Variants in OR4K2 observed in about 807,000 individuals in gnomAD.
The protein encoded by OR4K2 is olfactory receptor family 4 subfamily K member 2.
A neutral mutation model predicts 10.5 loss-of-function variants in OR4K2; 8 were observed. That is an observed-to-expected ratio of 0.76 (90% CI 0.45 to 1.37). The LOEUF (loss-of-function observed/expected upper bound fraction) is 1.37. Among genes scored for constraint, OR4K2 ranks in the 40% most tolerant of loss-of-function variants. OR4K2 has a pLI of 0.00. For synonymous variants in OR4K2, 178 were observed against 133.6 expected, an observed-to-expected ratio of 1.33 and a Z score of -2.29; for missense variants, 547 against 379.5, an observed-to-expected ratio of 1.44 and a Z score of -3.67.
rs1314565820 is a variant in OR4K2, at chr14:19,881,923, T to C, written c.*4711T>C. On this transcript the variant is annotated 3_prime_UTR_variant, in exon 2 of 2. Coordinates refer to ENST00000641885, the MANE Select transcript of OR4K2 (RefSeq NM_001005501.2). ...TTTTCTTCTTGTTTGAGTGTACTTA[T>C]ATTGGTTGTCCTACAGTTAAGAAAA... 6.6e-6 allele frequency: 1 copy of C among 152,146 alleles called. No individual in the cohort carries two copies. The highest frequency in any genetic ancestry group is 2.4e-5 in the African/African-American group (1 of 41,422). 9.4% of individuals were successfully genotyped at this position (152,146 alleles called of 1,614,324 possible).
Position 19,882,111 on chromosome 14 carries a change from CTTG to C in OR4K2, c.*4900_*4902del, listed in dbSNP as rs781059334. Reference sequence around the variant, plus strand: ...GATGTAAGGGCAAAAGGCAAAAAGCCTTGGTGTCATTGCCACTCCTTCATCACC... The same window carrying C: ...GATGTAAGGGCAAAAGGCAAAAAGCCGTGTCATTGCCACTCCTTCATCACC... On this transcript the variant is annotated 3_prime_UTR_variant, in exon 2 of 2. Coordinates refer to ENST00000641885, the MANE Select transcript of OR4K2 (RefSeq NM_001005501.2). 1 of 152,340 alleles carries C rather than the reference CTTG, an allele frequency of 6.6e-6. No homozygotes were observed. Among genetic ancestry groups the C allele is most frequent in the Non-Finnish European group, 1.5e-5 (1 of 68,122 alleles). 9.4% of individuals were successfully genotyped at this position (152,340 alleles called of 1,614,324 possible).
rs1055001906 is a variant in OR4K2, at chr14:19,881,242, C to T, written c.*4030C>T. The stretch of plus-strand genomic sequence containing the variant: ...AATTCATGTGAACTTCTTGCATGTA[C>T]TCTCAGATGCCAATGAAATCCGCTA... On this transcript the variant is annotated 3_prime_UTR_variant, in exon 2 of 2. Coordinates refer to ENST00000641885, the MANE Select transcript of OR4K2 (RefSeq NM_001005501.2). The T allele has an allele frequency of 6.6e-6, 1 of 152,240 alleles. No individual in the cohort carries two copies. Among genetic ancestry groups the T allele is most frequent in the Admixed American group, 6.5e-5 (1 of 15,288 alleles). The allele number at this position is 152,240 out of a possible 1,614,324, so 9.4% of individuals were successfully genotyped here.
rs1385147596 is a variant in OR4K2 at position 19,883,526 on chromosome 14, C to T, written c.*6314C>T. ...TGCAAAGCCTGTATTTTTCTTCACT[C>T]ACCCTAGCATACCATATAATTAGAA... On this transcript the variant is annotated 3_prime_UTR_variant, in exon 2 of 2. Coordinates refer to ENST00000641885, the MANE Select transcript of OR4K2 (RefSeq NM_001005501.2). 3.3e-5 allele frequency: 5 copies of T among 152,230 alleles called. No individual in the cohort carries two copies. Among genetic ancestry groups the T allele is most frequent in the Non-Finnish European group, 7.3e-5 (5 of 68,040 alleles). The allele number at this position is 152,230 out of a possible 1,614,324, so 9.4% of individuals were successfully genotyped here.
rs772855126 is a variant in OR4K2, at chr14:19,876,423, C to T, written c.156C>T (p.Asp52=). The change falls in exon 2 of 2, where the codon GAC becomes GAT. Residue 52 remains aspartate, a synonymous_variant. Coordinates refer to ENST00000641885, the MANE Select transcript of OR4K2 (RefSeq NM_001005501.2). ...NSLIVITVIV[D]PHLHSPMYFL... ...TCATAGTCATCACAGTTATAGTGGA[C>T]CCTCACCTACACTCTCCTATGTATT... 8.1e-6 allele frequency: 13 copies of T among 1,614,018 alleles called. No homozygotes were observed. The highest frequency in any genetic ancestry group is 4.4e-5 in the South Asian group (4 of 91,080).
In OR4K2 at chr14:19,883,130, A is replaced by G. The variant is rs1011911860; in HGVS notation, c.*5918A>G. On this transcript the variant is annotated 3_prime_UTR_variant, in exon 2 of 2. Transcript: ENST00000641885. ...GTACAGTTCAACATGGACTTCTGTC[A>G]CTGCATTTTCTGCAAATTGCCTATC... is the stretch of plus-strand genomic sequence containing the variant. The G allele has an allele frequency of 2.0e-5, 3 of 152,306 alleles. No individual in the cohort carries two copies. The highest frequency in any genetic ancestry group is 7.2e-5 in the African/African-American group (3 of 41,470). The allele number at this position is 152,306 out of a possible 1,614,324, so 9.4% of individuals were successfully genotyped here.
rs1880905849 is a variant in OR4K2, at chr14:19,876,535, A to G, written c.268A>G (p.Lys90Glu). Residue 90 changes from lysine (K) to glutamate (E), a missense_variant, in exon 2 of 2, where the codon AAA becomes GAA. Physicochemically the swap from Lys to Glu is moderately conservative, Grantham distance 56. Coordinates refer to ENST00000641885, the MANE Select transcript of OR4K2 (RefSeq NM_001005501.2). ...GATTACAGATTACCTAACAGGTCACAAAACCATCTCTTTTGATGGCTGCCT... is the reference window on the plus strand; with the variant it reads ...GATTACAGATTACCTAACAGGTCACGAAACCATCTCTTTTGATGGCTGCCT... ...KMITDYLTGH[K>E]TISFDGCLTQ... 1.2e-6 allele frequency: 2 copies of G among 1,614,208 alleles called. No individual in the cohort carries two copies. Among genetic ancestry groups the G allele is most frequent in the Non-Finnish European group, 8.5e-7 (1 of 1,180,004 alleles).
In OR4K2 at chr14:19,877,028, G is replaced by A. The variant is rs769206389; in HGVS notation, c.761G>A (p.Cys254Tyr). The A allele has an allele frequency of 6.2e-7, 1 of 1,613,576 alleles. No homozygotes were observed. The highest frequency in any genetic ancestry group is 8.5e-7 in the Non-Finnish European group (1 of 1,179,988). ...FIVVFLFFGP[C>Y]IFIYMWPLSS... is the part of the protein sequence containing the mutation. ...GTTGTCTTCTTGTTCTTTGGGCCAT[G>A]CATCTTCATCTACATGTGGCCACTA... Residue 254 changes from cysteine to tyrosine, a missense_variant, in exon 2 of 2, where the codon TGC (cysteine) becomes TAC (tyrosine). Cys to Tyr is a radical substitution (Grantham distance 194). Transcript: ENST00000641885.
chr14:19,877,405 T>C lies in OR4K2; in HGVS notation c.*193T>C, dbSNP rs1880937128. 5.9e-6 allele frequency: 3 copies of C among 504,310 alleles called. No individual in the cohort carries two copies. The highest frequency in any genetic ancestry group is 2.5e-5 in the South Asian group (1 of 39,376). The allele number at this position is 504,310 out of a possible 1,614,324, so 31.2% of individuals were successfully genotyped here. A position where few individuals can be genotyped will look rare whatever the true frequency, so the allele number is the denominator to read the frequency against. On this transcript the variant is annotated 3_prime_UTR_variant, in exon 2 of 2. Coordinates refer to ENST00000641885, the MANE Select transcript of OR4K2 (RefSeq NM_001005501.2). ...AGCAAGTTAAAAGAAATAAAGACTA[T>C]AAAAATGTCAGGAGTGACAGTTCCA...
rs1291063259 is a variant in OR4K2 at position 19,882,723 on chromosome 14, A to G, written c.*5511A>G. ...CTCAAATATACATCCATACACACTC[A>G]AACTTGGCCTCACCAACTTTGTTTC... On this transcript the variant is annotated 3_prime_UTR_variant, in exon 2 of 2. Transcript: ENST00000641885. The G allele has an allele frequency of 6.6e-6, 1 of 152,348 alleles. No homozygotes were observed. The allele number at this position is 152,348 out of a possible 1,614,324, so 9.4% of individuals were successfully genotyped here.
Position 19,882,430 on chromosome 14 carries a change from C to G in OR4K2, c.*5218C>G, listed in dbSNP as rs1235542842. 1 of 152,216 alleles carries G rather than the reference C, an allele frequency of 6.6e-6. No homozygotes were observed. Among genetic ancestry groups the G allele is most frequent in the East Asian group, 1.9e-4 (1 of 5,202 alleles). 9.4% of individuals were successfully genotyped at this position (152,216 alleles called of 1,614,324 possible). On this transcript the variant is annotated 3_prime_UTR_variant, in exon 2 of 2. Coordinates refer to ENST00000641885, the MANE Select transcript of OR4K2 (RefSeq NM_001005501.2). ...GGAGACTCCGTCAATCAATCAATAT[C>G]CATTACTTTAATTTTTTTATTATAA...
rs1275565822 is a variant in OR4K2, at chr14:19,877,176, T to C, written c.909T>C (p.Asn303=). The change falls in exon 2 of 2, where the codon AAT becomes AAC. Residue 303 remains asparagine (N), a synonymous_variant. Transcript: ENST00000641885. ...AGATAGCCATGAGGAAACTGAAAAATAGGTTTCTAAATTTTAATAAGGCAA... is the reference window on the plus strand; with the variant it reads ...AGATAGCCATGAGGAAACTGAAAAACAGGTTTCTAAATTTTAATAAGGCAA... ...EVKIAMRKLK[N]RFLNFNKAMP... The C allele has an allele frequency of 6.3e-7, 1 of 1,597,250 alleles. No homozygotes were observed. The highest frequency in any genetic ancestry group is 1.1e-5 in the South Asian group (1 of 90,350).
rs748394926 is a variant in OR4K2, at chr14:19,876,790, G to A, written c.523G>A (p.Asp175Asn). 4.3e-6 allele frequency: 7 copies of A among 1,614,104 alleles called. No homozygotes were observed. The highest frequency in any genetic ancestry group is 5.9e-6 in the Non-Finnish European group (7 of 1,180,026). Residue 175 changes from aspartate (D) to asparagine (N), a missense_variant, in exon 2 of 2, where the codon GAC becomes AAC. By Grantham distance (23) the Asp-to-Asn change is conservative (BLOSUM62 1). Transcript: ENST00000641885. Reference sequence around the variant, plus strand: ...ACCATTCTGTGGTCCCTATGAGGTAGACAGCTTTTTCTGTGACCTTCCTGT... The same window carrying A: ...ACCATTCTGTGGTCCCTATGAGGTAAACAGCTTTTTCTGTGACCTTCCTGT... ...TLPFCGPYEVDSFFCDLPVVF... is the reference protein window; with the variant it reads ...TLPFCGPYEVNSFFCDLPVVF...
In OR4K2 at chr14:19,883,364, C is replaced by G. The variant is rs944260919; in HGVS notation, c.*6152C>G. On this transcript the variant is annotated 3_prime_UTR_variant, in exon 2 of 2. Coordinates refer to ENST00000641885, the MANE Select transcript of OR4K2 (RefSeq NM_001005501.2). Reference sequence around the variant, plus strand: ...TCCTCAGGAAGTCTTCTTGAAGACCCTATTCTCTGAATTCTGGCGTGTTGG... The same window carrying G: ...TCCTCAGGAAGTCTTCTTGAAGACCGTATTCTCTGAATTCTGGCGTGTTGG... The G allele has an allele frequency of 6.6e-6, 1 of 152,226 alleles. No individual in the cohort carries two copies. Among genetic ancestry groups the G allele is most frequent in the African/African-American group, 2.4e-5 (1 of 41,446 alleles). 9.4% of individuals were successfully genotyped at this position (152,226 alleles called of 1,614,324 possible).
rs528489207 is a variant in OR4K2 at position 19,882,286 on chromosome 14, T to A, written c.*5074T>A. 10 of 152,376 alleles carry A rather than the reference T, an allele frequency of 6.6e-5. No individual in the cohort carries two copies. In the South Asian group the frequency reaches 2.1e-3, roughly 32 times the overall value. 9.4% of individuals were successfully genotyped at this position (152,376 alleles called of 1,614,324 possible). ...CCTCACTTGTGCTTTCTAAAGCTCA[T>A]TTGGTGCATCTAATTGGTGGAATCT... On this transcript the variant is annotated 3_prime_UTR_variant, in exon 2 of 2. Coordinates refer to ENST00000641885, the MANE Select transcript of OR4K2 (RefSeq NM_001005501.2).
Position 19,878,524 on chromosome 14 carries a change from A to G in OR4K2, c.*1312A>G, listed in dbSNP as rs1006129304. Reference sequence around the variant, plus strand: ...TAATTATCATTTATGAAAGATAATTAAAACAGAAAATCCTTAGATGTTCAT... The same window carrying G: ...TAATTATCATTTATGAAAGATAATTGAAACAGAAAATCCTTAGATGTTCAT... On this transcript the variant is annotated 3_prime_UTR_variant, in exon 2 of 2. Coordinates refer to ENST00000641885, the MANE Select transcript of OR4K2 (RefSeq NM_001005501.2). 3.3e-5 allele frequency: 5 copies of G among 152,236 alleles called. No individual in the cohort carries two copies. Among genetic ancestry groups the G allele is most frequent in the Admixed American group, 3.3e-4 (5 of 15,278 alleles). The allele number at this position is 152,236 out of a possible 1,614,324, so 9.4% of individuals were successfully genotyped here. A position where few individuals can be genotyped will look rare whatever the true frequency, so the allele number is the denominator to read the frequency against.
chr14:19,878,229 C>T lies in OR4K2; in HGVS notation c.*1017C>T, dbSNP rs147187741. ...AATGTATACAAAGTATTACTACCAC[C>T]TGCTGGTACTAACTGGAATTGCAAG... is the stretch of plus-strand genomic sequence containing the variant. On this transcript the variant is annotated 3_prime_UTR_variant, in exon 2 of 2. Coordinates refer to ENST00000641885, the MANE Select transcript of OR4K2 (RefSeq NM_001005501.2). The T allele has an allele frequency of 6.6e-6, 1 of 152,290 alleles. No homozygotes were observed. The highest frequency in any genetic ancestry group is 1.9e-4 in the East Asian group (1 of 5,190). The allele number at this position is 152,290 out of a possible 1,614,324, so 9.4% of individuals were successfully genotyped here.
rs1759896847 is a variant in OR4K2, at chr14:19,881,748, G to A, written c.*4536G>A. 1 of 151,668 alleles carries A rather than the reference G, an allele frequency of 6.6e-6. No individual in the cohort carries two copies. The highest frequency in any genetic ancestry group is 1.5e-5 in the Non-Finnish European group (1 of 67,964). The allele number at this position is 151,668 out of a possible 1,614,324, so 9.4% of individuals were successfully genotyped here. On this transcript the variant is annotated 3_prime_UTR_variant, in exon 2 of 2. Transcript: ENST00000641885. ...GTTTTAACTGTACTAGGAATCTGAA[G>A]CCATCAACAAAAGCCAGATTTTTCT...
In OR4K2 at chr14:19,882,700, C is replaced by G. The variant is rs1221672311; in HGVS notation, c.*5488C>G. 6.6e-6 allele frequency: 1 copy of G among 152,234 alleles called. No homozygotes were observed. The allele number at this position is 152,234 out of a possible 1,614,324, so 9.4% of individuals were successfully genotyped here. A position where few individuals can be genotyped will look rare whatever the true frequency, so the allele number is the denominator to read the frequency against. ...TCAGTTTCATGAATACATATATACTCAAATATACATCCATACACACTCAAA... is the reference window on the plus strand; with the variant it reads ...TCAGTTTCATGAATACATATATACTGAAATATACATCCATACACACTCAAA... On this transcript the variant is annotated 3_prime_UTR_variant, in exon 2 of 2. Transcript: ENST00000641885.
chr14:19,877,400 G>C lies in OR4K2; in HGVS notation c.*188G>C. ...AGAAAAGCAAGTTAAAAGAAATAAA[G>C]ACTATAAAAATGTCAGGAGTGACAG... On this transcript the variant is annotated 3_prime_UTR_variant, in exon 2 of 2. Transcript: ENST00000641885. 1 of 516,568 alleles carries C rather than the reference G, an allele frequency of 1.9e-6. No homozygotes were observed. Among genetic ancestry groups the C allele is most frequent in the Non-Finnish European group, 3.4e-6 (1 of 294,904 alleles). The allele number at this position is 516,568 out of a possible 1,614,324, so 32.0% of individuals were successfully genotyped here.
Sources: allele counts gnomAD v4.1 joint callset, GRCh38; gene constraint gnomAD v4.1.1; transcripts MANE v1.5; gene names NCBI Gene and HGNC (gene_info 2026-07-23, HGNC 2026-07-21).